NBAS: variants seen among roughly 807,000 people sequenced by gnomAD.
The protein encoded by NBAS is NAG/BC035112 fusion.
Under a neutral mutation model 302.5 loss-of-function variants are expected in NBAS, and 219 were observed. The observed-to-expected ratio is 0.72, with a 90% confidence interval of 0.65 to 0.81. The LOEUF (loss-of-function observed/expected upper bound fraction) is 0.81. Ranked by LOEUF, NBAS falls within the 30% of genes least tolerant of loss-of-function variation. The pLI is 0.00. For missense variants in NBAS, 2,932 were observed against 2,841.6 expected, an observed-to-expected ratio of 1.03 and a Z score of -0.72; for synonymous variants, 1,118 against 1,021.6, an observed-to-expected ratio of 1.09 and a Z score of -1.80.
At chr2:15,543,953 A>G (rs1663979851) in intron 6 of NBAS, among the ~76,000 whole-genome samples, 1 of 152,210 alleles carries the variant, frequency 6.6e-6, no homozygotes, top group African/African-American at 2.4e-5. Context: ...GTGGGACATA[A>G]CAAACACCCA....
intron 48 of NBAS, among the ~76,000 whole-genome samples, chr2:15,216,337 G>C (rs538778054): frequency 9.2e-5 from 14 of 152,316 alleles, no homozygotes; most frequent in African/African-American, 2.6e-4. Context: ...GAGATGACTT[G>C]TATTAGAGTC....
intron 22 of NBAS, among the ~76,000 whole-genome samples, chr2:15,427,301 C>T (rs1677527004): frequency 6.6e-6 from 1 of 152,070 alleles, no homozygotes; most frequent in South Asian, 2.1e-4. Flanking sequence ...CCGACTCTCC[C>T]ACCCCCCTTC....
chr2:15,275,518 T>C lies in NBAS; in HGVS notation c.5690A>G (p.Asp1897Gly), dbSNP rs778774379. 1.2e-6 allele frequency: 2 copies of C among 1,614,078 alleles called. No individual in the cohort carries two copies. The highest frequency in any genetic ancestry group is 1.1e-5 in the South Asian group (1 of 91,018). Residue 1897 changes from aspartate (D) to glycine (G), a missense_variant, in exon 44 of 52, where the codon GAT becomes GGT. Physicochemically the swap from Asp to Gly is moderately conservative, Grantham distance 94 (BLOSUM62 -1). Transcript: ENST00000281513. ...AGCTTTTGGAGAAAATGTAACTGCA[T>C]CTACCACAGTGATGAGGTCACCTGG... ...LHPGDLITVV[D>G]AVTFSPKAVT...
the NBAS span, among the ~76,000 whole-genome samples, chr2:14,818,065 C>G: frequency 6.6e-6 from 1 of 152,182 alleles, no homozygotes; most frequent in African/African-American, 2.4e-5. Context: ...CACTCTGTCA[C>G]CATGTTCCTG....
intron 31 of NBAS, among the ~76,000 whole-genome samples, chr2:15,367,016 T>C (rs1442362569): frequency 6.6e-6 from 1 of 152,138 alleles, no homozygotes; most frequent in Non-Finnish European, 1.5e-5. Context: ...CGAGACAGTA[T>C]TTGTCTCTAA....
chr2:15,370,115 T>C (rs748937008), intron 31 of NBAS, among the ~76,000 whole-genome samples: 1 of 152,186 alleles, frequency 6.6e-6, no homozygotes, highest in African/African-American at 2.4e-5. Context: ...TCACATCTTT[T>C]CCTCAGTAGA....
chr2:15,450,576 C>T (rs980039764), intron 21 of NBAS, among the ~76,000 whole-genome samples: 11 of 152,142 alleles, frequency 7.2e-5, no homozygotes, highest in African/African-American at 2.7e-4. Context: ...CACTAGATTA[C>T]AAATTTATCT....
chr2:14,906,326 T>TA, the NBAS span, among the ~76,000 whole-genome samples: 1 of 152,194 alleles, frequency 6.6e-6, no homozygotes, highest in Non-Finnish European at 1.5e-5. Context: ...CTTCTCCACT[T>TA]ACAGGTGAGA....
At chr2:14,932,574 G>A in the NBAS span, among the ~76,000 whole-genome samples, 3 of 152,300 alleles carry the variant, frequency 2.0e-5, no homozygotes, top group East Asian at 5.8e-4. Flanking sequence ...CTGAAAAAGA[G>A]AGTTGATATG....
the NBAS span, among the ~76,000 whole-genome samples, chr2:14,995,144 T>G: frequency 6.6e-6 from 1 of 152,188 alleles, no homozygotes. Context: ...TGTGCCATGT[T>G]GGTGTGCTGC....
chr2:15,093,680 A>G, the NBAS span, among the ~76,000 whole-genome samples: 1 of 152,198 alleles, frequency 6.6e-6, no homozygotes, highest in Non-Finnish European at 1.5e-5. Flanking sequence ...GAAAAAAGTA[A>G]ATTATGTCCA....
intron 25 of NBAS, among the ~76,000 whole-genome samples, chr2:15,410,514 T>C (rs1271080752): frequency 2.0e-5 from 3 of 152,172 alleles, no homozygotes; most frequent in South Asian, 2.1e-4. Context: ...GGATTTCTTC[T>C]TACCAGATCT....
chr2:15,498,997 T>C (rs1681179478), intron 11 of NBAS, among the ~76,000 whole-genome samples: 1 of 151,524 alleles, frequency 6.6e-6, no homozygotes, highest in African/African-American at 2.4e-5. Flanking sequence ...GCGCGATTCT[T>C]GGCTCACTGT....
chr2:15,370,604 G>A (rs922707887), intron 31 of NBAS, among the ~76,000 whole-genome samples: 1 of 152,202 alleles, frequency 6.6e-6, no homozygotes, highest in Non-Finnish European at 1.5e-5. Context: ...CTAAGGCCAT[G>A]AGAGCCCACC....
intron 22 of NBAS, among the ~76,000 whole-genome samples, chr2:15,425,117 T>A (rs913334806): frequency 2.0e-5 from 3 of 151,776 alleles, no homozygotes; most frequent in African/African-American, 7.3e-5. Flanking sequence ...CATGAGGAGT[T>A]TTTAACGAGA....
Position 15,417,639 on chromosome 2 carries a change from T to C in NBAS, c.2651A>G (p.Asn884Ser), listed in dbSNP as rs758091135. Residue 884 changes from asparagine to serine, a missense_variant, in exon 24 of 52, where the codon AAT (asparagine) becomes AGT (serine). By Grantham distance (46) the Asn-to-Ser change is conservative. Transcript: ENST00000281513. ...NIPGLLVLCD[N>S]LVTLETLVYE... ...AACCAATGTTTCCAGAGTAACCAAA[T>C]TGTCACAGAGAACCAGCAAACCAGG... The C allele has an allele frequency of 9.3e-6, 15 of 1,613,864 alleles. No individual in the cohort carries two copies. Among genetic ancestry groups the C allele is most frequent in the African/African-American group, 8.0e-5 (6 of 74,896 alleles).
the NBAS span, among the ~76,000 whole-genome samples, chr2:14,785,212 A>T: frequency 8.5e-5 from 13 of 152,126 alleles, no homozygotes; most frequent in African/African-American, 3.1e-4. Flanking sequence ...GCTTAAGGAG[A>T]TTTTGGGCTG....
At chr2:15,273,288 C>T (rs1669413115) in intron 44 of NBAS, among the ~76,000 whole-genome samples, 1 of 152,192 alleles carries the variant, frequency 6.6e-6, no homozygotes. Context: ...TCAGTTCCTT[C>T]CCATATACAA....
At chr2:15,455,257 A>G (rs1419290884) in intron 21 of NBAS, among the ~76,000 whole-genome samples, 4 of 152,148 alleles carry the variant, frequency 2.6e-5, no homozygotes, top group Non-Finnish European at 5.9e-5. Context: ...AAAGTTCTTG[A>G]GTACTATACC....
Sources: allele counts gnomAD v4.1 joint callset (sites outside exome capture counted in the v4.1 genomes callset), GRCh38; gene constraint gnomAD v4.1.1; transcripts MANE v1.5; gene names NCBI Gene and HGNC (gene_info 2026-07-23, HGNC 2026-07-21).